The following KCNB2 variants were observed in gnomAD, a reference collection of about 807,000 sequenced individuals.
KCNB2 encodes the protein potassium voltage-gated channel subfamily B member 2, also known as delayed rectifier potassium channel protein.
Under a neutral mutation model 61.5 loss-of-function variants are expected in KCNB2, and 15 were observed. The observed-to-expected ratio is 0.24, with a 90% CI of 0.16 to 0.38. KCNB2 has a LOEUF of 0.38. Ranked by LOEUF, KCNB2 falls within the 10% of genes least tolerant of loss-of-function variation. KCNB2 has a pLI of 1.00. For synonymous variants in KCNB2, 457 were observed against 446.0 expected (o/e 1.02, Z -0.31); for missense variants, 828 against 1,125.2 (o/e 0.74, Z 3.78).
chr8:72,655,067 T>C (rs938543343), intron 2 of KCNB2, among the ~76,000 whole-genome samples: 1 of 152,056 alleles, frequency 6.6e-6, no homozygotes, highest in African/African-American at 2.4e-5. Context: ...AGTGGTAGAA[T>C]GGATAAAGAA....
At chr8:72,733,848 G>A (rs535214380) in intron 2 of KCNB2, among the ~76,000 whole-genome samples, 6 of 152,202 alleles carry the variant, frequency 3.9e-5, no homozygotes, top group African/African-American at 1.4e-4. Context: ...AGGTGGGAAG[G>A]GGGACAGGGT....
intron 1 of KCNB2, among the ~76,000 whole-genome samples, chr8:72,540,507 TTG>T (rs1294863889): frequency 6.6e-6 from 1 of 151,462 alleles, no homozygotes; most frequent in Non-Finnish European, 1.5e-5. Flanking sequence ...GTTATTGTTG[TTG>T]TTGTTGTTTG....
rs74961528 is a variant in KCNB2 at position 72,710,218 on chromosome 8, A to C, written c.579+141905A>C. ...TTTAAATTTTATAAGGGCTTCTCAG[A>C]GACCCTAACACAAAGGAACATTGGT... On this transcript the variant is annotated intron_variant, in intron 2 of 2. Transcript: ENST00000523207. Among the ~76,000 whole-genome samples the C allele has an allele frequency of 8.5e-5, 13 of 152,328 alleles. No individual in the cohort carries two copies. In the East Asian group the frequency reaches 2.5e-3, roughly 29 times the overall value.
At chr8:72,723,441 A>G (rs1807583953) in intron 2 of KCNB2, among the ~76,000 whole-genome samples, 1 of 152,192 alleles carries the variant, frequency 6.6e-6, no homozygotes, top group Admixed American at 6.5e-5. Flanking sequence ...CACTATAATA[A>G]CCATCTCTTG....
At chr8:72,921,620 T>C (rs914903474) in intron 2 of KCNB2, among the ~76,000 whole-genome samples, 3 of 152,232 alleles carry the variant, frequency 2.0e-5, no homozygotes, top group Non-Finnish European at 4.4e-5. Flanking sequence ...TTCTTGTTGC[T>C]AAACCTAACT....
chr8:72,651,956 T>C (rs1255155236), intron 2 of KCNB2, among the ~76,000 whole-genome samples: 1 of 152,128 alleles, frequency 6.6e-6, no homozygotes, highest in Non-Finnish European at 1.5e-5. Context: ...TAAATGATAC[T>C]ACCTAGTGGT....
intron 2 of KCNB2, among the ~76,000 whole-genome samples, chr8:72,850,157 C>T (rs1030530141): frequency 6.6e-6 from 1 of 151,394 alleles, no homozygotes; most frequent in East Asian, 1.9e-4. Context: ...ATTGCTCTTG[C>T]CATTTAGATA....
chr8:72,937,537 C>G lies in KCNB2; in HGVS notation c.2182C>G (p.Gln728Glu). 1.2e-6 allele frequency: 2 copies of G among 1,613,962 alleles called. No individual in the cohort carries two copies. The highest frequency in any genetic ancestry group is 1.7e-6 in the Non-Finnish European group (2 of 1,179,954). Residue 728 changes from glutamine to glutamate, a missense_variant, in exon 3 of 3, where the codon CAG becomes GAG. Gln to Glu is a conservative substitution (Grantham distance 29, BLOSUM62 2). Transcript: ENST00000523207. ...TAAGGAAAATAGAGGCAGTGCACCA[C>G]AGACCCCGCCCAGCACAGCCAGGCC... ...NFKENRGSAP[Q>E]TPPSTARPLP...
chr8:72,869,243 T>C (rs1805579803), intron 2 of KCNB2, among the ~76,000 whole-genome samples: 1 of 152,098 alleles, frequency 6.6e-6, no homozygotes, highest in Non-Finnish European at 1.5e-5. Context: ...CCAGACCAGA[T>C]AGAGGGGTTT....
rs1810264452 is a variant in KCNB2 at position 72,859,706 on chromosome 8, C to CTTT, written c.580-76229_580-76228insTTT. 2.9e-3 allele frequency among the ~76,000 whole-genome samples: 212 copies of CTTT among 73,450 alleles called. 68 individuals are homozygous for CTTT. Among genetic ancestry groups the CTTT allele is most frequent in the African/African-American group, 4.9e-3 (84 of 17,018 alleles). The allele number at this position is 73,450 out of a possible 152,430, so 48.2% of individuals were successfully genotyped here. A position where few individuals can be genotyped will look rare whatever the true frequency, so the allele number is the denominator to read the frequency against. The stretch of plus-strand genomic sequence containing the variant: ...TGTAGCATGGATCAGTACTTCATTT[C>CTTT]GTTTTTTTTTTTTTTTTTTTTTTTT... On this transcript the variant is annotated intron_variant, in intron 2 of 2. Coordinates refer to ENST00000523207, the MANE Select transcript of KCNB2 (RefSeq NM_004770.3).
At chr8:72,569,432 A>G (rs1806677416) in intron 2 of KCNB2, among the ~76,000 whole-genome samples, 1 of 152,236 alleles carries the variant, frequency 6.6e-6, no homozygotes, top group Admixed American at 6.5e-5. Flanking sequence ...CAGCTAATGC[A>G]AATGATCATA....
intron 2 of KCNB2, among the ~76,000 whole-genome samples, chr8:72,620,922 G>T (rs886853864): frequency 4.6e-5 from 7 of 152,214 alleles, no homozygotes; most frequent in Admixed American, 4.6e-4. Flanking sequence ...CTACGTTTTA[G>T]ATACATTAAT....
At chr8:72,766,743 G>T (rs1389446583) in intron 2 of KCNB2, among the ~76,000 whole-genome samples, 1 of 152,182 alleles carries the variant, frequency 6.6e-6, no homozygotes, top group African/African-American at 2.4e-5. Flanking sequence ...CACCTAGACT[G>T]TCAGATCCAT....
chr8:72,554,514 A>G (rs1370105923), intron 1 of KCNB2, among the ~76,000 whole-genome samples: 2 of 151,938 alleles, frequency 1.3e-5, no homozygotes, highest in Non-Finnish European at 2.9e-5. Context: ...TTTCTCTTCC[A>G]TTGTTTAAAT....
chr8:72,566,204 C>A (rs1488093142), intron 1 of KCNB2, among the ~76,000 whole-genome samples: 1 of 152,116 alleles, frequency 6.6e-6, no homozygotes, highest in African/African-American at 2.4e-5. Context: ...GGAGGCTGGA[C>A]CTACTAGGAC....
chr8:72,669,237 A>G (rs1268965343), intron 2 of KCNB2, among the ~76,000 whole-genome samples: 1 of 152,198 alleles, frequency 6.6e-6, no homozygotes, highest in Non-Finnish European at 1.5e-5. Context: ...TCCTTTGATC[A>G]TCCCTCCATT....
At chr8:72,711,104 G>A (rs1016775943) in intron 2 of KCNB2, among the ~76,000 whole-genome samples, 11 of 152,234 alleles carry the variant, frequency 7.2e-5, no homozygotes, top group Non-Finnish European at 1.5e-4. Flanking sequence ...GACTGATGGA[G>A]CGCCAGTATC....
intron 2 of KCNB2, among the ~76,000 whole-genome samples, chr8:72,652,779 G>A (rs1043302633): frequency 6.6e-6 from 1 of 152,118 alleles, no homozygotes; most frequent in Non-Finnish European, 1.5e-5. Context: ...GTGGCTCATG[G>A]ACATTGCAAG....
chr8:72,764,413 G>A lies in KCNB2; in HGVS notation c.580-171522G>A, dbSNP rs141937380. Reference sequence around the variant, plus strand: ...ACACAGTAGAAATGGCCAAGGAGGGGACCCTAGGGGTTGGAAGAGCTGAAA... The same window carrying A: ...ACACAGTAGAAATGGCCAAGGAGGGAACCCTAGGGGTTGGAAGAGCTGAAA... On this transcript the variant is annotated intron_variant, in intron 2 of 2. Transcript: ENST00000523207. Among the ~76,000 whole-genome samples, 314 of 152,104 alleles carry A rather than the reference G, an allele frequency of 2.1e-3. 2 individuals carry two copies. The highest frequency in any genetic ancestry group is 7.3e-3 in the African/African-American group (304 of 41,518).
Sources: allele counts gnomAD v4.1 joint callset (sites outside exome capture counted in the v4.1 genomes callset), GRCh38; gene constraint gnomAD v4.1.1; transcripts MANE v1.5; gene names NCBI Gene and HGNC (gene_info 2026-07-23, HGNC 2026-07-21).